Variants in ADAMTS18 observed in about 807,000 individuals in gnomAD.
The protein encoded by ADAMTS18 is A disintegrin and metalloproteinase with thrombospondin motifs 18.
A neutral mutation model predicts 165.9 loss-of-function variants in ADAMTS18; 157 were observed. That is an observed-to-expected ratio of 0.95 (90% confidence interval 0.83 to 1.08). ADAMTS18 has a LOEUF of 1.08. Ranked by LOEUF, ADAMTS18 falls within the 50% of genes least tolerant of loss-of-function variation. The pLI, the probability that ADAMTS18 is intolerant of heterozygous loss-of-function variation, is 0.00. For synonymous variants in ADAMTS18, 782 were observed against 578.2 expected, an observed-to-expected ratio of 1.35 and a Z score of -5.06; for missense variants, 2,040 against 1,534.0, an observed-to-expected ratio of 1.33 and a Z score of -5.51.
Position 77,282,646 on chromosome 16 carries a change from AAAT to A in ADAMTS18, c.*1307_*1309del, listed in dbSNP as rs1360984825. 1 of 152,648 alleles carries A rather than the reference AAAT, an allele frequency of 6.6e-6. No homozygotes were observed. The highest frequency in any genetic ancestry group is 1.5e-5 in the Non-Finnish European group (1 of 68,046). 9.5% of individuals were successfully genotyped at this position (152,648 alleles called of 1,614,324 possible). A position where few individuals can be genotyped will look rare whatever the true frequency, so the allele number is the denominator to read the frequency against. ...TTGAGGAATAAAGTAGAATTTATGTAAATATGCCCTTTATAACCACTTCTCAAA... is the reference window on the plus strand; with the variant it reads ...TTGAGGAATAAAGTAGAATTTATGTAATGCCCTTTATAACCACTTCTCAAA... On this transcript the variant is annotated 3_prime_UTR_variant, in exon 23 of 23. Coordinates refer to ENST00000282849, the MANE Select transcript of ADAMTS18 (RefSeq NM_199355.4).
intron 4 of ADAMTS18, 66 bp from the exon 5 acceptor site, chr16:77,364,447 G>A: frequency 1.3e-6 from 2 of 1,528,560 alleles, no homozygotes; most frequent in Admixed American, 1.9e-5. Context: ...AGTTGAGAGA[G>A]AAACTGAAAC....
chr16:77,315,620 G>A (rs2562124), intron 16 of ADAMTS18, among the ~76,000 whole-genome samples: 141,144 of 152,220 alleles, frequency 0.93, 65,522 homozygotes, highest in African/African-American at 0.96. Context: ...ACGCCTCTCC[G>A]TGACAGGTGC....
chr16:77,322,499 C>A (rs767444098), intron 13 of ADAMTS18, 33 bp from the exon 14 acceptor site: 2 of 1,611,238 alleles, frequency 1.2e-6, no homozygotes, highest in South Asian at 2.2e-5. Context: ...AGGAAATGGT[C>A]AAGAGGAAAC....
At chr16:77,410,244 A>C (rs866032823) in intron 3 of ADAMTS18, among the ~76,000 whole-genome samples, 3 of 151,940 alleles carry the variant, frequency 2.0e-5, no homozygotes, top group African/African-American at 7.2e-5. Context: ...GTTGGTCATA[A>C]CCAACTGAAT....
intron 3 of ADAMTS18, among the ~76,000 whole-genome samples, chr16:77,406,339 C>G (rs950815557): frequency 6.6e-6 from 1 of 152,042 alleles, no homozygotes; most frequent in Non-Finnish European, 1.5e-5. Flanking sequence ...TATCATCAAT[C>G]TGATAGAGGG....
chr16:77,286,164 G>A (rs1299152733), intron 22 of ADAMTS18, among the ~76,000 whole-genome samples: 1 of 152,132 alleles, frequency 6.6e-6, no homozygotes, highest in East Asian at 1.9e-4. Flanking sequence ...CTGCCTCGGG[G>A]ACTTTGGGGT....
intron 3 of ADAMTS18, among the ~76,000 whole-genome samples, chr16:77,396,091 C>A (rs546812585): frequency 1.2e-4 from 19 of 152,264 alleles, no homozygotes; most frequent in Admixed American, 3.9e-4. Context: ...CAAGGGCACC[C>A]AACTCTTTTG....
chr16:77,384,709 C>G (rs2057080787), intron 3 of ADAMTS18, among the ~76,000 whole-genome samples: 1 of 152,096 alleles, frequency 6.6e-6, no homozygotes, highest in African/African-American at 2.4e-5. Context: ...TATATTCTGC[C>G]TGGCATTACT....
At chr16:77,303,064 G>C (rs772127803) in intron 16 of ADAMTS18, among the ~76,000 whole-genome samples, 2 of 152,048 alleles carry the variant, frequency 1.3e-5, no homozygotes, top group Admixed American at 6.6e-5. Context: ...GTCTGTATCC[G>C]TATCCTCCTC....
At chr16:77,426,544 C>T (rs765370698) in intron 3 of ADAMTS18, among the ~76,000 whole-genome samples, 8 of 152,214 alleles carry the variant, frequency 5.3e-5, no homozygotes, top group South Asian at 2.1e-4. Context: ...CTCCTTGTTT[C>T]AGGGTTGAAT....
In ADAMTS18 at chr16:77,293,127, T is replaced by A; in HGVS notation, c.3138A>T (p.Gly1046=). Residue 1046 remains glycine, a synonymous_variant, in exon 20 of 23, where the codon GGA becomes GGT. Coordinates refer to ENST00000282849, the MANE Select transcript of ADAMTS18 (RefSeq NM_199355.4). ...GTAGCCGGCTGTTCTTGGGGCATCG[T>A]CCAAGCACACAGCCCTCCTGCAGCT... is the stretch of plus-strand genomic sequence containing the variant. The part of the protein sequence containing the change: ...RPELQEGCVL[G]RCPKNSRLQW... The A allele has an allele frequency of 1.2e-6, 2 of 1,613,930 alleles. No individual in the cohort carries two copies. Among genetic ancestry groups the A allele is most frequent in the Non-Finnish European group, 1.7e-6 (2 of 1,179,952 alleles).
chr16:77,319,386 T>G (rs993115683), intron 16 of ADAMTS18, among the ~76,000 whole-genome samples: 1 of 152,192 alleles, frequency 6.6e-6, no homozygotes, highest in Admixed American at 6.5e-5. Flanking sequence ...TTCCCCCAAA[T>G]GGAATCACTG....
chr16:77,316,549 T>C (rs971456689), intron 16 of ADAMTS18, among the ~76,000 whole-genome samples: 1 of 152,230 alleles, frequency 6.6e-6, no homozygotes, highest in East Asian at 1.9e-4. Flanking sequence ...GTTTGTATTA[T>C]GTGTGGGCCA....
At chr16:77,351,064 T>A (rs886269345) in intron 10 of ADAMTS18, among the ~76,000 whole-genome samples, 3 of 152,176 alleles carry the variant, frequency 2.0e-5, no homozygotes, top group Non-Finnish European at 2.9e-5. Context: ...ACAGGATGAA[T>A]AAGAGATTTT....
chr16:77,367,413 CAGAAAA>C (rs769081363), intron 4 of ADAMTS18, 22 bp downstream of exon 4: 23 of 1,613,554 alleles, frequency 1.4e-5, no homozygotes, highest in Non-Finnish European at 1.9e-5. Flanking sequence ...CACATAAGAA[CAGAAAA>C]AGAAAAAGTT....
intron 11 of ADAMTS18, among the ~76,000 whole-genome samples, chr16:77,337,899 TTTTCTTTTC>T (rs963218099): frequency 1.6e-5 from 2 of 124,832 alleles, no homozygotes; most frequent in African/African-American, 2.6e-5. Flanking sequence ...CCATCTTTTC[TTTTCTTTTC>T]TTTTTTTTTT....
At chr16:77,386,486 A>G (rs779143850) in intron 3 of ADAMTS18, among the ~76,000 whole-genome samples, 10 of 152,180 alleles carry the variant, frequency 6.6e-5, no homozygotes, top group Non-Finnish European at 1.5e-4. Flanking sequence ...GAGAAGCCAT[A>G]AATTCCATTT....
chr16:77,426,027 C>G (rs996637289), intron 3 of ADAMTS18, among the ~76,000 whole-genome samples: 1 of 151,754 alleles, frequency 6.6e-6, no homozygotes, highest in African/African-American at 2.4e-5. Flanking sequence ...GGCAACACAG[C>G]GAGACTCCAC....
chr16:77,418,901 G>A (rs12445233), intron 3 of ADAMTS18, among the ~76,000 whole-genome samples: 88,082 of 152,064 alleles, frequency 0.58, 26,627 homozygotes, highest in Middle Eastern at 0.73. Flanking sequence ...CTGTAATCCC[G>A]GCACTTTGGG....
Sources: allele counts gnomAD v4.1 joint callset (sites outside exome capture counted in the v4.1 genomes callset), GRCh38; gene constraint gnomAD v4.1.1; transcripts MANE v1.5; gene names NCBI Gene and HGNC (gene_info 2026-07-23, HGNC 2026-07-21).